AK9: variants seen among roughly 807,000 people sequenced by gnomAD.
The protein encoded by AK9 is adenylate kinase 9.
Under a neutral mutation model 239.6 loss-of-function variants are expected in AK9, and 191 were observed. The ratio of observed to expected loss-of-function variants is 0.80; its 90% CI spans 0.71 to 0.90. The LOEUF (loss-of-function observed/expected upper bound fraction) is 0.90, where lower values mean the gene tolerates loss of function less well. Among genes scored for constraint, AK9 ranks in the 40% least tolerant of loss-of-function variants. The pLI is 0.00. For synonymous variants in AK9, 689 were observed against 721.0 expected (o/e 0.96, Z 0.71); for missense variants, 1,995 against 2,214.7 (o/e 0.90, Z 1.99).
chr6:109,678,990 C>T (rs571783044), intron 1 of AK9, among the ~76,000 whole-genome samples: 31 of 152,310 alleles, frequency 2.0e-4, no homozygotes, highest in East Asian at 1.2e-3. Context: ...CTGATGCCTA[C>T]GCCACCAGGG....
At chr6:109,683,488 A>C (rs772389586) in intron 1 of AK9, among the ~76,000 whole-genome samples, 3 of 152,210 alleles carry the variant, frequency 2.0e-5, no homozygotes, top group Non-Finnish European at 4.4e-5. Context: ...ATGATTGTAT[A>C]TTTAGAAAAC....
intron 5 of AK9, among the ~76,000 whole-genome samples, chr6:109,667,060 C>T (rs1002290403): frequency 1.3e-5 from 2 of 152,144 alleles, no homozygotes; most frequent in Non-Finnish European, 2.9e-5. Flanking sequence ...CTCCGAGAAG[C>T]TGATTTTGGC....
In AK9 at chr6:109,675,802, G is replaced by A. The variant is rs555634757; in HGVS notation, c.-11-46C>T. 5.2e-6 allele frequency: 6 copies of A among 1,155,264 alleles called. No homozygotes were observed. The Admixed American group carries it at 9.5e-5, about 18-fold the overall frequency. 71.6% of individuals were successfully genotyped at this position (1,155,264 alleles called of 1,614,324 possible). ...ATTGTTAACTTGTCTAATTTGGTTGGATGAGGTGACTAGGAACAATTGAAA... is the reference window on the plus strand; with the variant it reads ...ATTGTTAACTTGTCTAATTTGGTTGAATGAGGTGACTAGGAACAATTGAAA... On this transcript the variant is annotated intron_variant, in intron 1 of 40. Transcript: ENST00000424296.
At chr6:109,515,309 G>C (rs1779168218) in intron 31 of AK9, among the ~76,000 whole-genome samples, 1 of 152,174 alleles carries the variant, frequency 6.6e-6, no homozygotes, top group South Asian at 2.1e-4. Flanking sequence ...ATCATGAAAG[G>C]GAAAAATACC....
At chr6:109,563,954 T>G in intron 23 of AK9, 126 bp downstream of exon 23, 1 of 1,107,500 alleles carries the variant, frequency 9.0e-7, no homozygotes, top group Non-Finnish European at 1.3e-6. Context: ...CTAAGTATTT[T>G]ATACATCAGC....
chr6:109,528,945 C>T (rs1780872617), intron 29 of AK9, 66 bp downstream of exon 29: 2 of 1,579,168 alleles, frequency 1.3e-6, no homozygotes, highest in Non-Finnish European at 1.7e-6. Flanking sequence ...TATGATTGTG[C>T]CACTGTACCC....
Position 109,516,569 on chromosome 6 carries a change from A to C in AK9, c.3707T>G (p.Leu1236Arg). The C allele has an allele frequency of 6.4e-7, 1 of 1,551,322 alleles. No homozygotes were observed. The highest frequency in any genetic ancestry group is 8.7e-7 in the Non-Finnish European group (1 of 1,146,960). Residue 1236 changes from leucine to arginine, a missense_variant, in exon 30 of 41, where the codon CTT becomes CGT. Physicochemically the swap from Leu to Arg is moderately radical, Grantham distance 102. Coordinates refer to ENST00000424296, the MANE Select transcript of AK9 (RefSeq NM_001145128.3). Reference protein sequence around the residue: ...EEDNDDIENILEDEFPKDEEE... With the variant: ...EEDNDDIENIREDEFPKDEEE... ...CTCATCTTTTGGAAACTCATCTTCAAGGATGTTTTCAATATCATCATTGTC... is the reference window on the plus strand; with the variant it reads ...CTCATCTTTTGGAAACTCATCTTCACGGATGTTTTCAATATCATCATTGTC...
At chr6:109,685,642 G>A (rs1259906252) in intron 1 of AK9, among the ~76,000 whole-genome samples, 1 of 151,964 alleles carries the variant, frequency 6.6e-6, no homozygotes, top group African/African-American at 2.4e-5. Flanking sequence ...ATGGGTTGAT[G>A]GGTGCAGCAA....
chr6:109,536,430 C>G (rs944266025), intron 27 of AK9, among the ~76,000 whole-genome samples: 2 of 152,052 alleles, frequency 1.3e-5, no homozygotes, highest in Non-Finnish European at 2.9e-5. Context: ...ATAAGAATGC[C>G]TGTGATTTCT....
At chr6:109,570,272 G>A (rs182656675) in intron 21 of AK9, among the ~76,000 whole-genome samples, 2 of 151,932 alleles carry the variant, frequency 1.3e-5, no homozygotes, top group East Asian at 3.9e-4. Context: ...ACACACTGGA[G>A]CCTGTCGTGG....
intron 1 of AK9, among the ~76,000 whole-genome samples, chr6:109,690,293 A>G (rs1229721088): frequency 1.3e-5 from 2 of 152,258 alleles, no homozygotes; most frequent in African/African-American, 4.8e-5. Flanking sequence ...TATTTGTGGA[A>G]TAAATACTTC....
intron 17 of AK9, among the ~76,000 whole-genome samples, chr6:109,595,107 G>C (rs1790838465): frequency 6.6e-6 from 1 of 152,128 alleles, no homozygotes; most frequent in South Asian, 2.1e-4. Context: ...TGCAATCTAT[G>C]CATCTGACAA....
intron 10 of AK9, among the ~76,000 whole-genome samples, chr6:109,633,935 T>C (rs2128275894): frequency 6.6e-6 from 1 of 152,302 alleles, no homozygotes; most frequent in South Asian, 2.1e-4. Context: ...AACATGCTTA[T>C]TTTATTTTAT....
At chr6:109,653,711 A>G (rs1438162745) in intron 8 of AK9, among the ~76,000 whole-genome samples, 1 of 150,568 alleles carries the variant, frequency 6.6e-6, no homozygotes. Flanking sequence ...TTGTAGAGAC[A>G]GGGTTTCACC....
chr6:109,617,382 G>A (rs897213525), intron 13 of AK9, among the ~76,000 whole-genome samples: 1 of 152,024 alleles, frequency 6.6e-6, no homozygotes, highest in African/African-American at 2.4e-5. Context: ...AAAATGTTTT[G>A]AGGGAGGATT....
intron 13 of AK9, among the ~76,000 whole-genome samples, chr6:109,618,057 T>C (rs1430229906): frequency 6.6e-6 from 1 of 152,204 alleles, no homozygotes; most frequent in African/African-American, 2.4e-5. Context: ...ATGGCTATTA[T>C]TACTTTTGTC....
intron 35 of AK9, among the ~76,000 whole-genome samples, chr6:109,501,764 A>G (rs1364460766): frequency 2.0e-5 from 3 of 152,216 alleles, no homozygotes; most frequent in Non-Finnish European, 4.4e-5. Flanking sequence ...CCCAGAAGAA[A>G]GGCTACCAGC....
intron 20 of AK9, among the ~76,000 whole-genome samples, chr6:109,577,728 G>A (rs1317687184): frequency 6.6e-6 from 1 of 152,016 alleles, no homozygotes; most frequent in Non-Finnish European, 1.5e-5. Context: ...TTACTTCCAG[G>A]AATTTATCCA....
At chr6:109,646,799 A>G (rs1798123807) in intron 8 of AK9, among the ~76,000 whole-genome samples, 1 of 152,204 alleles carries the variant, frequency 6.6e-6, no homozygotes, top group Non-Finnish European at 1.5e-5. Context: ...AGATTCACCA[A>G]GGTTAAAATG....
Sources: gnomAD v4.1 joint callset for allele counts (sites outside exome capture counted in the v4.1 genomes callset) on GRCh38, gnomAD v4.1.1 for gene constraint, MANE v1.5 for transcripts, NCBI Gene and HGNC (gene_info 2026-07-23, HGNC 2026-07-21) for gene names.